LMO7: variants seen among roughly 807,000 people sequenced by gnomAD.
LMO7 encodes the protein LIM domain only protein 7.
Under a neutral mutation model 206.5 loss-of-function variants are expected in LMO7, and 120 were observed. The observed-to-expected ratio is 0.58, with a 90% CI of 0.50 to 0.68. The LOEUF (loss-of-function observed/expected upper bound fraction) is 0.68, where lower values mean the gene tolerates loss of function less well. Ranked by LOEUF, LMO7 falls within the 30% of genes least tolerant of loss-of-function variation. The pLI, the probability that LMO7 is intolerant of heterozygous loss-of-function variation, is 0.00. For missense variants in LMO7, 1,959 were observed against 1,957.9 expected (o/e 1.00, Z -0.01); for synonymous variants, 706 against 681.5 (o/e 1.04, Z -0.56).
chr13:75,829,775 G>C (rs1566564942), intron 15 of LMO7, among the ~76,000 whole-genome samples: 1 of 151,834 alleles, frequency 6.6e-6, no homozygotes, highest in Non-Finnish European at 1.5e-5. Context: ...AAGTGTTACT[G>C]TTGGGACTCC....
intron 26 of LMO7, among the ~76,000 whole-genome samples, chr13:75,848,470 A>ATCTATCTAT (rs1446421849): frequency 2.5e-4 from 15 of 59,938 alleles, no homozygotes; most frequent in Non-Finnish European, 4.6e-4. Flanking sequence ...TATCTATCTA[A>ATCTATCTAT]CTATCTCACA....
At position 75,817,237 on chromosome 13, in the gene LMO7, A is replaced by G; in HGVS notation, c.2023A>G (p.Ile675Val). The G allele has an allele frequency of 6.2e-7, 1 of 1,613,560 alleles. No homozygotes were observed. Among genetic ancestry groups the G allele is most frequent in the Non-Finnish European group, 8.5e-7 (1 of 1,179,592 alleles). Residue 675 changes from isoleucine to valine, a missense_variant, in exon 12 of 31, where the codon ATA becomes GTA. Coordinates refer to ENST00000377534, the MANE Select transcript of LMO7 (RefSeq NM_001306080.2). The part of the protein sequence containing the change: ...RQLRYEEMQK[I>V]KSQLKEQDQK... ...GCTGCGTTACGAGGAGATGCAGAAA[A>G]TAAAATCACAATTAAAAGAACAAGA...
intron 2 of LMO7, among the ~76,000 whole-genome samples, chr13:75,717,468 T>C (rs2043649005): frequency 6.6e-6 from 1 of 151,712 alleles, no homozygotes; most frequent in South Asian, 2.1e-4. Flanking sequence ...AGGAGCAAGA[T>C]ATTCACCCCT....
At chr13:75,806,640 G>A (rs1272667385) in intron 9 of LMO7, 5 of 152,210 alleles carry the variant, frequency 3.3e-5, no homozygotes, top group Non-Finnish European at 7.3e-5. Context: ...GGCAAGTCTA[G>A]GGAAAATGCA....
intron 11 of LMO7, among the ~76,000 whole-genome samples, chr13:75,810,338 T>C (rs2056199683): frequency 6.6e-6 from 1 of 152,184 alleles, no homozygotes; most frequent in South Asian, 2.1e-4. Context: ...TAAGAATCTC[T>C]AGTTTTGATA....
At chr13:75,676,352 A>G (rs2040015533) in intron 1 of LMO7, among the ~76,000 whole-genome samples, 1 of 152,202 alleles carries the variant, frequency 6.6e-6, no homozygotes, top group Non-Finnish European at 1.5e-5. Context: ...AACTATAGAT[A>G]ACAAAAAAAG....
intron 2 of LMO7, among the ~76,000 whole-genome samples, chr13:75,720,448 G>T (rs1190045909): frequency 6.6e-6 from 1 of 152,148 alleles, no homozygotes; most frequent in Non-Finnish European, 1.5e-5. Context: ...TTTCTTCTAG[G>T]AGTTTTAATA....
At chr13:75,781,096 C>CTTTTTTTTTTTTTTTTGTTTTTTTTT (rs2051284266) in intron 4 of LMO7, among the ~76,000 whole-genome samples, 5 of 41,924 alleles carry the variant, frequency 1.2e-4, no homozygotes, top group East Asian at 1.0e-3. Flanking sequence ...CTCTATTTTC[C>CTTTTTTTTTTTTTTTTGTTTTTTTTT]TTTTTTTTTT....
intron 1 of LMO7, among the ~76,000 whole-genome samples, chr13:75,686,761 G>GTA (rs1240926024): frequency 6.6e-6 from 1 of 152,102 alleles, no homozygotes; most frequent in Non-Finnish European, 1.5e-5. Flanking sequence ...CTATAACAGA[G>GTA]TATATAGGGT....
At chr13:75,652,777 A>C (rs997907615) in intron 1 of LMO7, among the ~76,000 whole-genome samples, 4 of 152,148 alleles carry the variant, frequency 2.6e-5, no homozygotes, top group African/African-American at 9.7e-5. Flanking sequence ...ACTTAAAAAA[A>C]CCTCACTTTA....
intron 2 of LMO7, among the ~76,000 whole-genome samples, chr13:75,718,048 C>A (rs2043704614): frequency 6.6e-6 from 1 of 152,186 alleles, no homozygotes. Context: ...GGTTCAAGTT[C>A]ATAAAAATGA....
chr13:75,664,405 A>AT (rs1464821091), intron 1 of LMO7, among the ~76,000 whole-genome samples: 2 of 151,858 alleles, frequency 1.3e-5, no homozygotes, highest in African/African-American at 2.4e-5. Flanking sequence ...GTAAGTACCA[A>AT]TTTTTTTTAT....
At chr13:75,814,759 C>T (rs1160909888) in intron 11 of LMO7, among the ~76,000 whole-genome samples, 1 of 152,046 alleles carries the variant, frequency 6.6e-6, no homozygotes, top group Non-Finnish European at 1.5e-5. Context: ...TTTATTATTT[C>T]TGGTAAGGTG....
intron 3 of LMO7, among the ~76,000 whole-genome samples, chr13:75,732,386 C>T (rs1266093029): frequency 6.6e-6 from 1 of 152,166 alleles, no homozygotes; most frequent in Non-Finnish European, 1.5e-5. Flanking sequence ...CATCTTCCAT[C>T]ACTGATACCC....
intron 3 of LMO7, among the ~76,000 whole-genome samples, chr13:75,752,518 C>T (rs2047355531): frequency 6.6e-6 from 1 of 152,146 alleles, no homozygotes; most frequent in African/African-American, 2.4e-5. Context: ...AAGTAGGGGC[C>T]TTCAGTGCAT....
Position 75,623,263 on chromosome 13 carries a change from T to C in LMO7, c.176-8T>C, listed in dbSNP as rs760459280. ...TTTTAACTTTCCTAATCATGACTTT[T>C]TACACAGATATAATTTTGAGGACTG... On this transcript the variant is annotated splice_polypyrimidine_tract_variant and splice_region_variant and intron_variant, in intron 1 of 29. Transcript: ENST00000341547. 6.6e-6 allele frequency: 9 copies of C among 1,359,402 alleles called. No individual in the cohort carries two copies. In the East Asian group the frequency reaches 1.8e-4, roughly 28 times the overall value. 84.2% of individuals were successfully genotyped at this position (1,359,402 alleles called of 1,614,324 possible). A position where few individuals can be genotyped will look rare whatever the true frequency, so the allele number is the denominator to read the frequency against.
At chr13:75,844,012 A>G (rs2059765215) in intron 25 of LMO7, among the ~76,000 whole-genome samples, 1 of 152,208 alleles carries the variant, frequency 6.6e-6, no homozygotes, top group African/African-American at 2.4e-5. Context: ...AAATCATTAA[A>G]ATGTTTATCT....
At chr13:75,720,026 G>C (rs1477439033) in intron 2 of LMO7, among the ~76,000 whole-genome samples, 1 of 152,120 alleles carries the variant, frequency 6.6e-6, no homozygotes, top group Non-Finnish European at 1.5e-5. Context: ...TCTGAATTTT[G>C]ACCATTCTAA....
At chr13:75,737,123 G>T (rs1490364314) in intron 3 of LMO7, among the ~76,000 whole-genome samples, 1 of 152,102 alleles carries the variant, frequency 6.6e-6, no homozygotes, top group African/African-American at 2.4e-5. Flanking sequence ...TCATACTGGG[G>T]TAAGGAGGGC....
Sources: allele counts gnomAD v4.1 joint callset (sites outside exome capture counted in the v4.1 genomes callset), GRCh38; gene constraint gnomAD v4.1.1; transcripts MANE v1.5; gene names NCBI Gene and HGNC (gene_info 2026-07-23, HGNC 2026-07-21).